Variants in GPC3 observed in about 807,000 individuals in gnomAD.
GPC3 encodes glypican-3.
GPC3 carries 3 observed loss-of-function variants against 34.4 expected under a neutral mutation model. The ratio of observed to expected loss-of-function variants is 0.09; its 90% CI spans 0.04 to 0.23. The LOEUF (loss-of-function observed/expected upper bound fraction) is 0.23, where lower values mean the gene tolerates loss of function less well. Among genes scored for constraint, GPC3 ranks in the 10% least tolerant of loss-of-function variants. GPC3 has a pLI of 1.00. For missense variants in GPC3, 351 were observed against 445.6 expected, an observed-to-expected ratio of 0.79 and a Z score of 1.91; for synonymous variants, 177 against 174.0, an observed-to-expected ratio of 1.02 and a Z score of -0.13.
Position 133,706,715 on chromosome X carries a change from G to A in GPC3, c.1033-6687C>T, listed in dbSNP as rs770129663. On this transcript the variant is annotated intron_variant, in intron 3 of 7. Coordinates refer to ENST00000370818, the MANE Select transcript of GPC3 (RefSeq NM_004484.4). ...TAGTCTAAAAACAACAGATGCTGGT[G>A]AGGATGCAGAGAGAGGGGAACATTT... 1.6e-3 allele frequency among the ~76,000 whole-genome samples: 183 copies of A among 112,165 alleles called. 1 individual carries two copies. Among genetic ancestry groups the A allele is most frequent in the African/African-American group, 5.6e-3 (173 of 30,924 alleles).
At chrX:133,548,205 T>C (rs1316461666) in intron 7 of GPC3, among the ~76,000 whole-genome samples, 3 of 111,658 alleles carry the variant, frequency 2.7e-5, no homozygotes, top group Non-Finnish European at 3.8e-5. Context: ...TTTGAGCACA[T>C]AGAAGAAAAA....
At chrX:133,640,378 C>A (rs1452314759) in intron 6 of GPC3, among the ~76,000 whole-genome samples, 1 of 111,994 alleles carries the variant, frequency 8.9e-6, no homozygotes, top group Non-Finnish European at 1.9e-5. Flanking sequence ...TTTCCCCCTC[C>A]CCTGCATTTT....
At chrX:133,910,218 C>A (rs113427113) in intron 2 of GPC3, among the ~76,000 whole-genome samples, 4,505 of 110,512 alleles carry the variant, frequency 0.041, 247 homozygotes, top group African/African-American at 0.14. Flanking sequence ...AGGGCTGGGG[C>A]ATGTCTGTCT....
At chrX:133,699,509 T>C (rs1013330896) in intron 4 of GPC3, among the ~76,000 whole-genome samples, 3 of 111,902 alleles carry the variant, frequency 2.7e-5, no homozygotes, top group African/African-American at 6.5e-5. Context: ...TACACATGAA[T>C]GTGTCTCACC....
At chrX:133,611,449 A>G (rs2070111585) in intron 6 of GPC3, among the ~76,000 whole-genome samples, 1 of 112,207 alleles carries the variant, frequency 8.9e-6, no homozygotes, top group Non-Finnish European at 1.9e-5. Flanking sequence ...CAAAGTTCTC[A>G]TTCTGATCCA....
intron 2 of GPC3, among the ~76,000 whole-genome samples, chrX:133,923,207 T>C (rs5977930): frequency 2.7e-5 from 3 of 111,531 alleles, no homozygotes; most frequent in Non-Finnish European, 5.6e-5. Context: ...TTTAATCTCC[T>C]TTTAGGAAAC....
At chrX:133,918,249 A>T (rs2076233181) in intron 2 of GPC3, among the ~76,000 whole-genome samples, 1 of 112,406 alleles carries the variant, frequency 8.9e-6, no homozygotes, top group South Asian at 3.7e-4. Flanking sequence ...GCTTTCTTGT[A>T]GAATAATATA....
chrX:133,800,352 G>A (rs1053121824), intron 2 of GPC3, among the ~76,000 whole-genome samples: 3 of 112,357 alleles, frequency 2.7e-5, no homozygotes, highest in African/African-American at 6.5e-5. Flanking sequence ...GCAATATTTT[G>A]TGAATTCCAG....
intron 7 of GPC3, among the ~76,000 whole-genome samples, chrX:133,593,422 A>T (rs902821101): frequency 1.9e-5 from 2 of 103,970 alleles, no homozygotes; most frequent in Non-Finnish European, 3.9e-5. Flanking sequence ...CAGTATGTTT[A>T]TGGGGTTCAT....
chrX:133,789,088 A>G (rs2072136543), intron 2 of GPC3, among the ~76,000 whole-genome samples: 1 of 111,258 alleles, frequency 9.0e-6, no homozygotes, highest in Non-Finnish European at 1.9e-5. Flanking sequence ...TGATTTTGAC[A>G]GTGTCCCAGT....
intron 2 of GPC3, among the ~76,000 whole-genome samples, chrX:133,814,856 C>A (rs190252928): frequency 1.8e-5 from 2 of 111,833 alleles, no homozygotes; most frequent in Admixed American, 1.9e-4. Flanking sequence ...GCATGAGCCA[C>A]TGTGCGTGAC....
chrX:133,784,887 C>T (rs1467362786), intron 2 of GPC3, among the ~76,000 whole-genome samples: 1 of 112,086 alleles, frequency 8.9e-6, no homozygotes, highest in Non-Finnish European at 1.9e-5. Context: ...TTCCTCCCCG[C>T]CGGCCCTAGG....
intron 2 of GPC3, among the ~76,000 whole-genome samples, chrX:133,907,025 C>T (rs1603269971): frequency 9.2e-6 from 1 of 108,976 alleles, no homozygotes; most frequent in Admixed American, 9.8e-5. Context: ...CGCTTGAACC[C>T]GGGAGGCGGA....
chrX:133,864,226 G>A (rs2075956056), intron 2 of GPC3, among the ~76,000 whole-genome samples: 1 of 111,020 alleles, frequency 9.0e-6, no homozygotes, highest in Non-Finnish European at 1.9e-5. Flanking sequence ...ACCTTGGGAG[G>A]AGGAAGAAGG....
At chrX:133,914,096 T>C (rs2076212914) in intron 2 of GPC3, among the ~76,000 whole-genome samples, 1 of 111,225 alleles carries the variant, frequency 9.0e-6, no homozygotes, top group Admixed American at 9.6e-5. Context: ...CTTGTTTATT[T>C]GAAAGGTTCA....
chrX:133,766,566 T>A (rs2124490195), intron 2 of GPC3, among the ~76,000 whole-genome samples: 1 of 112,601 alleles, frequency 8.9e-6, no homozygotes, highest in East Asian at 2.8e-4. Flanking sequence ...ATTTTAAAAA[T>A]CTGTGTTCTA....
chrX:133,804,092 T>A (rs1191372259), intron 2 of GPC3, among the ~76,000 whole-genome samples: 1 of 110,588 alleles, frequency 9.0e-6, no homozygotes, highest in Non-Finnish European at 1.9e-5. Flanking sequence ...GTGGCTCCAC[T>A]ATTTCTGGTG....
chrX:133,809,865 G>A (rs765339020), intron 2 of GPC3, among the ~76,000 whole-genome samples: 6 of 111,323 alleles, frequency 5.4e-5, no homozygotes, highest in Non-Finnish European at 9.4e-5. Flanking sequence ...TGGTAATAAA[G>A]TTTCTAACAA....
intron 2 of GPC3, among the ~76,000 whole-genome samples, chrX:133,818,688 C>T (rs1379644086): frequency 8.9e-6 from 1 of 111,769 alleles, no homozygotes; most frequent in Admixed American, 9.5e-5. Flanking sequence ...CCCAGTTTAA[C>T]AAGCCCAATA....
Sources: allele counts gnomAD v4.1 joint callset (sites outside exome capture counted in the v4.1 genomes callset), GRCh38; gene constraint gnomAD v4.1.1; transcripts MANE v1.5; gene names NCBI Gene and HGNC (gene_info 2026-07-23, HGNC 2026-07-21).